Variants in CCDC178 observed in about 807,000 individuals in gnomAD.
The protein encoded by CCDC178 is coiled-coil domain-containing protein 178.
A neutral mutation model predicts 117.4 loss-of-function variants in CCDC178; 126 were observed. The ratio of observed to expected loss-of-function variants is 1.07; its 90% CI spans 0.93 to 1.24. The LOEUF (loss-of-function observed/expected upper bound fraction) is 1.24, where lower values mean the gene tolerates loss of function less well. Among genes scored for constraint, CCDC178 ranks in the 50% most tolerant of loss-of-function variants. The pLI, the probability that CCDC178 is intolerant of heterozygous loss-of-function variation, is 0.00. For synonymous variants in CCDC178, 283 were observed against 313.4 expected (o/e 0.90, Z 1.02); for missense variants, 1,030 against 986.9 (o/e 1.04, Z -0.59).
intron 6 of CCDC178, among the ~76,000 whole-genome samples, chr18:33,359,541 T>C (rs1238165286): frequency 6.6e-6 from 1 of 151,584 alleles, no homozygotes; most frequent in East Asian, 1.9e-4. Flanking sequence ...TAACTGCCTA[T>C]CTGAAAAATC....
intron 21 of CCDC178, among the ~76,000 whole-genome samples, chr18:32,996,855 A>G (rs1400119563): frequency 6.6e-6 from 1 of 152,126 alleles, no homozygotes. Flanking sequence ...TTATAAAGAG[A>G]TCATATAAAT....
intron 11 of CCDC178, among the ~76,000 whole-genome samples, chr18:33,314,095 G>A (rs2144965188): frequency 6.7e-6 from 1 of 148,614 alleles, no homozygotes; most frequent in South Asian, 2.2e-4. Flanking sequence ...CAGCTACTTG[G>A]GAGGCTGAGG....
intron 20 of CCDC178, among the ~76,000 whole-genome samples, chr18:33,175,104 CT>C (rs1568034590): frequency 1.3e-5 from 2 of 151,894 alleles, no homozygotes; most frequent in African/African-American, 2.4e-5. Flanking sequence ...TCTCTAACTC[CT>C]GACCTCATGA....
intron 10 of CCDC178, among the ~76,000 whole-genome samples, chr18:33,329,876 AGTGTGTGTGTGTGTGTGTGT>A (rs67627028): frequency 1.5e-5 from 2 of 131,414 alleles, no homozygotes; most frequent in South Asian, 2.6e-4. Flanking sequence ...GAATTATTAG[AGTGTGTGTGTGTGTGTGTGT>A]GTGTGTGTGT....
chr18:33,306,460 A>G (rs920226435), intron 11 of CCDC178, among the ~76,000 whole-genome samples: 17 of 114,802 alleles, frequency 1.5e-4, no homozygotes, highest in African/African-American at 4.8e-4. Flanking sequence ...ACATATGGTT[A>G]TATATATATA....
At chr18:33,150,094 C>G (rs568104434) in intron 20 of CCDC178, among the ~76,000 whole-genome samples, 1 of 152,262 alleles carries the variant, frequency 6.6e-6, no homozygotes, top group African/African-American at 2.4e-5. Context: ...CGAATACTTA[C>G]AGCTAACTGA....
At chr18:32,958,648 A>C (rs533687854) in intron 22 of CCDC178, among the ~76,000 whole-genome samples, 4 of 152,354 alleles carry the variant, frequency 2.6e-5, no homozygotes, top group Admixed American at 6.5e-5. Context: ...GCCTGATGGC[A>C]ATAATTGAAG....
intron 14 of CCDC178, among the ~76,000 whole-genome samples, chr18:33,263,772 C>T (rs2059780040): frequency 6.6e-6 from 1 of 151,984 alleles, no homozygotes; most frequent in Non-Finnish European, 1.5e-5. Flanking sequence ...AAATCATAGT[C>T]TAGAGCATAT....
chr18:33,317,168 T>C (rs2062431342), intron 11 of CCDC178, among the ~76,000 whole-genome samples: 1 of 152,072 alleles, frequency 6.6e-6, no homozygotes, highest in Non-Finnish European at 1.5e-5. Context: ...TTGCTACTGC[T>C]CACTCTTTGG....
At chr18:32,946,921 C>T (rs575716282) in intron 22 of CCDC178, among the ~76,000 whole-genome samples, 4 of 151,516 alleles carry the variant, frequency 2.6e-5, no homozygotes, top group African/African-American at 2.4e-5. Flanking sequence ...CTGGGACTAC[C>T]GGCACGCACC....
intron 21 of CCDC178, among the ~76,000 whole-genome samples, chr18:33,002,852 C>A (rs1030021977): frequency 2.0e-5 from 3 of 152,006 alleles, no homozygotes; most frequent in Admixed American, 1.3e-4. Flanking sequence ...GACATTACAA[C>A]TAACACCATA....
At chr18:33,173,538 T>C (rs1406088923) in intron 20 of CCDC178, among the ~76,000 whole-genome samples, 2 of 152,224 alleles carry the variant, frequency 1.3e-5, no homozygotes, top group African/African-American at 4.8e-5. Context: ...CTTAGGGCTC[T>C]TGTTATGCTT....
chr18:33,327,666 T>A (rs2062603437), intron 10 of CCDC178, among the ~76,000 whole-genome samples: 1 of 152,170 alleles, frequency 6.6e-6, no homozygotes, highest in African/African-American at 2.4e-5. Context: ...GGTATCTTAT[T>A]GTGGTTTTGA....
At chr18:33,047,240 TA>T (rs1419862183) in intron 21 of CCDC178, among the ~76,000 whole-genome samples, 20 of 152,174 alleles carry the variant, frequency 1.3e-4, no homozygotes, top group African/African-American at 4.6e-4. Flanking sequence ...AATGGCACAA[TA>T]AAGAAAAAGT....
intron 19 of CCDC178, among the ~76,000 whole-genome samples, chr18:33,212,595 C>G (rs1394822996): frequency 6.6e-6 from 1 of 151,848 alleles, no homozygotes; most frequent in Non-Finnish European, 1.5e-5. Flanking sequence ...TAAGATGATG[C>G]CTTTTTTATT....
chr18:33,022,196 T>G (rs1210908424), intron 21 of CCDC178, among the ~76,000 whole-genome samples: 1 of 152,166 alleles, frequency 6.6e-6, no homozygotes. Flanking sequence ...TTTCCCATTC[T>G]TTTGTGTGCT....
intron 14 of CCDC178, among the ~76,000 whole-genome samples, chr18:33,256,117 T>C (rs1020010481): frequency 9.9e-5 from 15 of 152,046 alleles, no homozygotes; most frequent in Admixed American, 6.6e-5. Flanking sequence ...AAATGATTAA[T>C]AGTGAAAGAA....
At chr18:33,072,052 G>T (rs1256937436) in intron 21 of CCDC178, among the ~76,000 whole-genome samples, 1 of 151,946 alleles carries the variant, frequency 6.6e-6, no homozygotes, top group Non-Finnish European at 1.5e-5. Context: ...AGTATGATAT[G>T]CAAGGACTTG....
chr18:33,172,344 C>T (rs749685681), intron 20 of CCDC178, among the ~76,000 whole-genome samples: 4 of 151,840 alleles, frequency 2.6e-5, no homozygotes, highest in Admixed American at 2.6e-4. Context: ...ATGTATAATT[C>T]AGATAGCCTT....
Sources: gnomAD v4.1 joint callset for allele counts (sites outside exome capture counted in the v4.1 genomes callset) on GRCh38, gnomAD v4.1.1 for gene constraint, MANE v1.5 for transcripts, NCBI Gene and HGNC (gene_info 2026-07-23, HGNC 2026-07-21) for gene names.